The following EXOC2 variants were observed in gnomAD, a reference collection of about 807,000 sequenced individuals.
EXOC2 encodes SEC5-like 1.
In EXOC2, 70 loss-of-function variants were observed where a neutral mutation model predicts 131.8. The ratio of observed to expected loss-of-function variants is 0.53; its 90% CI spans 0.44 to 0.65. EXOC2 has a LOEUF of 0.65. EXOC2 is among the 30% of genes least tolerant of loss of function. The pLI is 0.00. For synonymous variants in EXOC2, 411 were observed against 398.4 expected, an observed-to-expected ratio of 1.03 and a Z score of -0.38; for missense variants, 923 against 1,108.6, an observed-to-expected ratio of 0.83 and a Z score of 2.38.
At chr6:586,468 T>C (rs1759213453) in intron 11 of EXOC2, among the ~76,000 whole-genome samples, 1 of 152,174 alleles carries the variant, frequency 6.6e-6, no homozygotes, top group African/African-American at 2.4e-5. Flanking sequence ...ATTTTAGAAG[T>C]GAGTGATGAG....
chr6:506,173 A>G lies in EXOC2; in HGVS notation c.2381-6473T>C, dbSNP rs1764531508. ...ATAGAATATTGCTGAGGCTTAATCT[A>G]TTTGCTTTCCAAAATATGCTTTATT... On this transcript the variant is annotated intron_variant, in intron 23 of 27. Coordinates refer to ENST00000230449, the MANE Select transcript of EXOC2 (RefSeq NM_018303.6). The surrounding 1 kb of genome is among the most constrained non-coding windows in gnomAD (Gnocchi z 4.4). Among the ~76,000 whole-genome samples the G allele has an allele frequency of 6.6e-6, 1 of 152,222 alleles. No individual in the cohort carries two copies.
chr6:595,296 CTA>C (rs1279331553), intron 10 of EXOC2, among the ~76,000 whole-genome samples: 2 of 152,036 alleles, frequency 1.3e-5, no homozygotes, highest in Admixed American at 6.5e-5. Flanking sequence ...CATGATAAAG[CTA>C]TCTCTATTCC....
chr6:497,491 T>G lies in EXOC2; in HGVS notation c.2437-2A>C. 1 of 1,608,198 alleles carries G rather than the reference T, an allele frequency of 6.2e-7. No homozygotes were observed. The highest frequency in any genetic ancestry group is 8.5e-7 in the Non-Finnish European group (1 of 1,177,914). On this transcript the variant is annotated splice_acceptor_variant, in intron 24 of 27. Coordinates refer to ENST00000230449, the MANE Select transcript of EXOC2 (RefSeq NM_018303.6). LOFTEE classifies it high-confidence loss of function. ...CAGTTCTTTGGAAATGGTGAACACC[T>G]GGTTTGAAATAGGAAGACATGGTGC...
At chr6:598,219 G>T in intron 9 of EXOC2, 96 bp from the exon 10 acceptor site, 1 of 874,952 alleles carries the variant, frequency 1.1e-6, no homozygotes, top group Non-Finnish European at 1.8e-6. Flanking sequence ...TGGGGTGAGG[G>T]CTAAGAGGCA....
At chr6:656,194 G>A (rs1216419720) in intron 1 of EXOC2, 1 of 1,614,184 alleles carries the variant, frequency 6.2e-7, no homozygotes, top group Non-Finnish European at 8.5e-7. Context: ...ATATTGCACA[G>A]GGCCGTCGTA....
chr6:598,896 G>A lies in EXOC2; in HGVS notation c.934C>T (p.Leu312Phe), dbSNP rs762286317. ...ACTTGCACCTCCGTTTTCCCAAAAA[G>A]TGACTTGGCCTTTTCATAATCATTA... is the stretch of plus-strand genomic sequence containing the variant. ...VINDYEKAKS[L>F]FGKTEVQVFK... Residue 312 changes from leucine to phenylalanine, a missense_variant, in exon 9 of 28, where the codon CTT becomes TTT. Physicochemically the swap from Leu to Phe is conservative, Grantham distance 22. Transcript: ENST00000230449. 6.2e-7 allele frequency: 1 copy of A among 1,611,636 alleles called. No individual in the cohort carries two copies. The highest frequency in any genetic ancestry group is 8.5e-7 in the Non-Finnish European group (1 of 1,179,372).
Position 486,449 on chromosome 6 carries a change from C to T in EXOC2, c.*222G>A. On this transcript the variant is annotated 3_prime_UTR_variant, in exon 28 of 28. Coordinates refer to ENST00000230449, the MANE Select transcript of EXOC2 (RefSeq NM_018303.6). ...TTTTAAAATGTATTTTAAAGTCATA[C>T]AGGATCTGATCTAGTAAGAATGGCA... 1 of 469,548 alleles carries T rather than the reference C, an allele frequency of 2.1e-6. No individual in the cohort carries two copies. 29.1% of individuals were successfully genotyped at this position (469,548 alleles called of 1,614,324 possible). A position where few individuals can be genotyped will look rare whatever the true frequency, so the allele number is the denominator to read the frequency against.
intron 27 of EXOC2, among the ~76,000 whole-genome samples, chr6:488,473 T>G (rs1581275323): frequency 1.3e-5 from 2 of 152,216 alleles, no homozygotes; most frequent in African/African-American, 4.8e-5. Flanking sequence ...TGTGGTCTAA[T>G]GAAATATATA....
rs552713955 is a variant in EXOC2 at position 570,379 on chromosome 6, C to T, written c.1443+2141G>A. On this transcript the variant is annotated intron_variant, in intron 13 of 27. Transcript: ENST00000230449. ...CAATCTCCTGACCTCGTGATCCACC[C>T]GCCTCGGCCTCCCAAAGTGCTGGGA... Among the ~76,000 whole-genome samples, 27 of 152,282 alleles carry T rather than the reference C, an allele frequency of 1.8e-4. No individual in the cohort carries two copies. The South Asian group carries it at 3.9e-3, about 22-fold the overall frequency.
chr6:557,617 C>CA (rs59474432), intron 17 of EXOC2, among the ~76,000 whole-genome samples: 93,006 of 110,992 alleles, frequency 0.84, 38,498 homozygotes, highest in Middle Eastern at 0.87. Flanking sequence ...GACTTCATCT[C>CA]AAAAAAAAAA....
intron 22 of EXOC2, among the ~76,000 whole-genome samples, chr6:535,420 G>C (rs952005028): frequency 5.9e-5 from 9 of 151,880 alleles, no homozygotes; most frequent in Non-Finnish European, 1.0e-4. Context: ...GAAACGATAA[G>C]CTCCTGGGCA....
At chr6:606,265 CG>C (rs1438335431) in intron 7 of EXOC2, among the ~76,000 whole-genome samples, 3 of 152,002 alleles carry the variant, frequency 2.0e-5, no homozygotes, top group African/African-American at 7.3e-5. Flanking sequence ...TGAGGCCCGT[CG>C]TGGAGTTGGG....
At chr6:654,627 C>T (rs536312574) in intron 1 of EXOC2, among the ~76,000 whole-genome samples, 25 of 150,852 alleles carry the variant, frequency 1.7e-4, no homozygotes, top group Middle Eastern at 3.4e-3. Context: ...TAGTGAGACT[C>T]CCTCTCTACA....
intron 1 of EXOC2, among the ~76,000 whole-genome samples, chr6:665,486 G>A (rs1381319977): frequency 1.3e-5 from 2 of 152,238 alleles, no homozygotes; most frequent in East Asian, 1.9e-4. Context: ...TTGCACATAC[G>A]TTTATAGCAG....
At chr6:644,109 T>A (rs928326777) in intron 1 of EXOC2, among the ~76,000 whole-genome samples, 3 of 152,060 alleles carry the variant, frequency 2.0e-5, no homozygotes, top group Non-Finnish European at 4.4e-5. Context: ...AGAAGAAATA[T>A]CAAGCCTATA....
chr6:523,981 A>G (rs550112270), intron 23 of EXOC2, among the ~76,000 whole-genome samples: 2 of 152,344 alleles, frequency 1.3e-5, no homozygotes, highest in Admixed American at 6.5e-5. Flanking sequence ...GAACTAAGAC[A>G]TTACAATATA....
intron 26 of EXOC2, among the ~76,000 whole-genome samples, chr6:489,302 C>T (rs539870783): frequency 1.1e-4 from 17 of 152,298 alleles, no homozygotes; most frequent in African/African-American, 3.6e-4. Context: ...AAAACATCTT[C>T]GAAAGGATGC....
intron 21 of EXOC2, among the ~76,000 whole-genome samples, chr6:552,063 C>T (rs910281279): frequency 6.6e-6 from 1 of 152,254 alleles, no homozygotes; most frequent in African/African-American, 2.4e-5. Context: ...CCTTCCCCTG[C>T]AGGCTTGCAC....
chr6:500,003 GCA>G (rs147355436), intron 23 of EXOC2, among the ~76,000 whole-genome samples: 1 of 150,434 alleles, frequency 6.6e-6, no homozygotes, highest in South Asian at 2.1e-4. Context: ...GTTTCTTCAC[GCA>G]CACACACACA....
Sources: gnomAD v4.1 joint callset for allele counts (sites outside exome capture counted in the v4.1 genomes callset) on GRCh38, gnomAD v4.1.1 for gene constraint, Gnocchi (gnomAD v3.1) non-coding constraint, MANE v1.5 for transcripts, NCBI Gene and HGNC (gene_info 2026-07-23, HGNC 2026-07-21) for gene names.